Variants in SRPK2 observed in about 807,000 individuals in gnomAD.
SRPK2 encodes the protein SFRS protein kinase 2.
In SRPK2, 21 loss-of-function variants were observed where a neutral mutation model predicts 90.8. The observed-to-expected ratio is 0.23, with a 90% confidence interval of 0.16 to 0.33. The LOEUF is 0.33. SRPK2 is among the 10% of genes least tolerant of loss of function. The probability of loss-of-function intolerance (pLI) is 1.00; values close to 1 mark genes in which losing one functional copy is unlikely to be tolerated. For synonymous variants in SRPK2, 288 were observed against 311.1 expected (o/e 0.93, Z 0.78); for missense variants, 620 against 869.0 (o/e 0.71, Z 3.60).
intron 2 of SRPK2, among the ~76,000 whole-genome samples, chr7:105,285,074 T>C (rs1359910160): frequency 1.3e-5 from 2 of 152,188 alleles, no homozygotes; most frequent in Non-Finnish European, 2.9e-5. Flanking sequence ...ACTGAGTTGC[T>C]GGTTTCCAAT....
At chr7:105,161,296 T>C (rs1036470174) in intron 6 of SRPK2, among the ~76,000 whole-genome samples, 1 of 152,254 alleles carries the variant, frequency 6.6e-6, no homozygotes, top group Admixed American at 6.5e-5. Context: ...TGTAAATAGT[T>C]GTTATACTCT....
intron 2 of SRPK2, among the ~76,000 whole-genome samples, chr7:105,316,669 A>G (rs1812343472): frequency 6.6e-6 from 1 of 152,244 alleles, no homozygotes; most frequent in South Asian, 2.1e-4. Flanking sequence ...AAGGTTAAAG[A>G]TAAGAAACTA....
intron 3 of SRPK2, among the ~76,000 whole-genome samples, chr7:105,171,015 GAGGAAGGA>G (rs5886349): frequency 4.6e-5 from 5 of 107,614 alleles, no homozygotes; most frequent in African/African-American, 1.3e-4. Flanking sequence ...GAAAGAAAGA[GAGGAAGGA>G]AGGAAGGAAG....
intron 2 of SRPK2, among the ~76,000 whole-genome samples, chr7:105,339,913 C>T (rs1040186320): frequency 1.3e-5 from 2 of 152,034 alleles, no homozygotes; most frequent in African/African-American, 4.8e-5. Flanking sequence ...CAAAAATTGT[C>T]CTGGCGCAGT....
intron 8 of SRPK2, 91 bp downstream of exon 8, chr7:105,146,402 T>TGTA: frequency 7.4e-7 from 1 of 1,347,410 alleles, no homozygotes; most frequent in Non-Finnish European, 1.0e-6. Flanking sequence ...CTTCCTTATG[T>TGTA]GTAACGTTTG....
At chr7:105,148,047 G>A (rs1414645314) in intron 7 of SRPK2, among the ~76,000 whole-genome samples, 1 of 152,144 alleles carries the variant, frequency 6.6e-6, no homozygotes, top group Non-Finnish European at 1.5e-5. Context: ...TAGGTCATAT[G>A]GTGCCTCTAT....
chr7:105,234,490 ATGCTTACTATG>A (rs1192327438), intron 2 of SRPK2, among the ~76,000 whole-genome samples: 1 of 152,168 alleles, frequency 6.6e-6, no homozygotes, highest in Non-Finnish European at 1.5e-5. Flanking sequence ...GGCTATACTG[ATGCTTACTATG>A]TGCCACTTCA....
At chr7:105,369,123 A>ATTT (rs1307826918) in intron 2 of SRPK2, among the ~76,000 whole-genome samples, 2 of 111,646 alleles carry the variant, frequency 1.8e-5, no homozygotes, top group South Asian at 3.4e-4. Context: ...CACAAGATTT[A>ATTT]TTTTATTATT....
intron 2 of SRPK2, among the ~76,000 whole-genome samples, chr7:105,299,016 C>T (rs1810201033): frequency 6.6e-6 from 1 of 152,228 alleles, no homozygotes; most frequent in African/African-American, 2.4e-5. Context: ...AACACCCTCC[C>T]CCATCCATAT....
intron 6 of SRPK2, among the ~76,000 whole-genome samples, chr7:105,166,708 G>A (rs1365329476): frequency 6.6e-6 from 1 of 152,168 alleles, no homozygotes; most frequent in African/African-American, 2.4e-5. Context: ...TATAGAAAAT[G>A]CAGAGTATAG....
intron 2 of SRPK2, among the ~76,000 whole-genome samples, chr7:105,258,944 A>G (rs10230449): frequency 0.18 from 27,755 of 152,154 alleles, 3,204 homozygotes; most frequent in East Asian, 0.59. Flanking sequence ...TGAATGGACA[A>G]AAACTGGAAG....
intron 2 of SRPK2, among the ~76,000 whole-genome samples, chr7:105,228,816 G>T (rs1309076992): frequency 6.6e-6 from 1 of 152,218 alleles, no homozygotes; most frequent in Non-Finnish European, 1.5e-5. Flanking sequence ...TCCCGTGTTG[G>T]CGCCTGGAGC....
intron 2 of SRPK2, among the ~76,000 whole-genome samples, chr7:105,251,142 T>C (rs921542673): frequency 6.6e-6 from 1 of 152,218 alleles, no homozygotes; most frequent in Non-Finnish European, 1.5e-5. Context: ...GAAGTAACTA[T>C]AACAGGACAA....
intron 2 of SRPK2, among the ~76,000 whole-genome samples, chr7:105,292,808 C>T (rs1259766522): frequency 6.6e-6 from 1 of 152,180 alleles, no homozygotes; most frequent in East Asian, 1.9e-4. Context: ...TTTCCTTAAA[C>T]CATCTATGGC....
At chr7:105,324,172 A>AT (rs1390242518) in intron 2 of SRPK2, among the ~76,000 whole-genome samples, 4 of 150,754 alleles carry the variant, frequency 2.7e-5, no homozygotes, top group East Asian at 2.0e-4. Flanking sequence ...AATTATATAT[A>AT]TTTTTTTTGT....
rs140457648 is a variant in SRPK2 at position 105,380,635 on chromosome 7, C to T, written c.71+8013G>A. On this transcript the variant is annotated intron_variant, in intron 2 of 15. Transcript: ENST00000393651. ...GCCTCCCGGGTTCAAGCAATTCTCC[C>T]GCCTCACCCTCCTGCATAGCTGGGA... Among the ~76,000 whole-genome samples the T allele has an allele frequency of 4.7e-3, 706 of 151,292 alleles. 11 individuals carry two copies. The East Asian group carries it at 0.055, about 12-fold the overall frequency.
chr7:105,146,292 G>A (rs909739353), intron 8 of SRPK2, among the ~76,000 whole-genome samples: 1 of 152,204 alleles, frequency 6.6e-6, no homozygotes, highest in Non-Finnish European at 1.5e-5. Context: ...CTTTTAAAGG[G>A]GGACAAAAGT....
At chr7:105,243,650 A>C (rs924103115) in intron 2 of SRPK2, among the ~76,000 whole-genome samples, 15 of 104,194 alleles carry the variant, frequency 1.4e-4, no homozygotes, top group African/African-American at 5.1e-4. Flanking sequence ...AAAAAAAAAA[A>C]CCACATGCCA....
At position 105,143,122 on chromosome 7, in the gene SRPK2, A is replaced by T. The variant is rs1804038034; in HGVS notation, c.1022T>A (p.Leu341Ter). 1.2e-6 allele frequency: 2 copies of T among 1,613,936 alleles called. No individual in the cohort carries two copies. The highest frequency in any genetic ancestry group is 2.7e-5 in the African/African-American group (2 of 74,880). ...AGTCTCTGCCTCAGCCGCCTCCTCT[A>T]ATCCTGTTGTTTTTAGTTTCACCTC... is the stretch of plus-strand genomic sequence containing the variant. ...CPEVKLKTTG[L>*]EEAAEAETAK... Residue 341 changes from leucine (L) to a stop codon, truncating the protein, a stop_gained, in exon 10 of 16, where the codon TTA (leucine) becomes TAA (stop). Transcript: ENST00000393651. LOFTEE classifies it high-confidence loss of function.
Sources: gnomAD v4.1 joint callset for allele counts (sites outside exome capture counted in the v4.1 genomes callset) on GRCh38, gnomAD v4.1.1 for gene constraint, MANE v1.5 for transcripts, NCBI Gene and HGNC (gene_info 2026-07-23, HGNC 2026-07-21) for gene names.